SATL1: variants seen among roughly 807,000 people sequenced by gnomAD.
SATL1 encodes spermidine/spermine N1-acetyl transferase like 1.
A neutral mutation model predicts 51.8 loss-of-function variants in SATL1; 47 were observed. The ratio of observed to expected loss-of-function variants is 0.91; its 90% CI spans 0.72 to 1.16. The LOEUF (loss-of-function observed/expected upper bound fraction) is 1.16, where lower values mean the gene tolerates loss of function less well. SATL1 is among the 50% of genes most tolerant of loss of function. The pLI is 0.00. For missense variants in SATL1, 520 were observed against 526.4 expected (o/e 0.99, Z 0.12); for synonymous variants, 176 against 182.4 (o/e 0.97, Z 0.28).
In SATL1 at chrX:85,178,611, CAAA is replaced by C. The variant is rs60561678; in HGVS notation, c.-313+45591_-313+45593del. Among the ~76,000 whole-genome samples, 273 of 50,251 alleles carry C rather than the reference CAAA, an allele frequency of 5.4e-3. 2 individuals are homozygous for C. The highest frequency in any genetic ancestry group is 0.013 in the African/African-American group (260 of 20,028). 43.6% of individuals were successfully genotyped at this position (50,251 alleles called of 115,157 possible). On this transcript the variant is annotated intron_variant, in intron 2 of 7. Transcript: ENST00000644105. ...ACCACTTCAGCCCACACAAAATGCTCAAAAAAAAAAAAACAAAAACAAACAAAC... is the reference window on the plus strand; with the variant it reads ...ACCACTTCAGCCCACACAAAATGCTCAAAAAAAAAACAAAAACAAACAAAC...
chrX:85,158,968 T>C (rs908358755), intron 2 of SATL1, among the ~76,000 whole-genome samples: 15 of 111,880 alleles, frequency 1.3e-4, no homozygotes, highest in African/African-American at 4.9e-4. Flanking sequence ...TAATATCTAA[T>C]TATTTAAAGT....
At chrX:85,193,317 C>G (rs1369009081) in intron 2 of SATL1, among the ~76,000 whole-genome samples, 1 of 111,203 alleles carries the variant, frequency 9.0e-6, no homozygotes, top group East Asian at 2.8e-4. Context: ...CATGCCTAAC[C>G]CAGGAAATGT....
intron 1 of SATL1, among the ~76,000 whole-genome samples, chrX:85,233,127 T>G (rs1928417250): frequency 8.9e-6 from 1 of 111,775 alleles, no homozygotes; most frequent in Non-Finnish European, 1.9e-5. Flanking sequence ...TGGGAGAAAG[T>G]AAGGGAAGAG....
In SATL1 at chrX:85,109,004, G is replaced by A. The variant is rs1287276899; in HGVS notation, c.-36C>T. On this transcript the variant is annotated 5_prime_UTR_variant, in exon 3 of 8. Coordinates refer to ENST00000644105, the MANE Select transcript of SATL1 (RefSeq NM_001367857.2). Reference sequence around the variant, plus strand: ...TTCCTGCTTTGTTGACTAAGGATGGGGTGGCAGATGATGGGTTGGCAGACA... The same window carrying A: ...TTCCTGCTTTGTTGACTAAGGATGGAGTGGCAGATGATGGGTTGGCAGACA... 2 of 1,140,273 alleles carry A rather than the reference G, an allele frequency of 1.8e-6. No individual in the cohort carries two copies. Among genetic ancestry groups the A allele is most frequent in the Admixed American group, 5.0e-5 (2 of 40,004 alleles). 94.0% of individuals were successfully genotyped at this position (1,140,273 alleles called of 1,213,427 possible).
intron 2 of SATL1, among the ~76,000 whole-genome samples, chrX:85,184,941 G>T (rs767717860): frequency 8.9e-5 from 10 of 111,964 alleles, no homozygotes; most frequent in African/African-American, 3.2e-4. Context: ...AATATTCACA[G>T]TCTGGGCTTG....
rs1555959510 is a variant in SATL1, at chrX:85,166,933, A to ATATG, written c.-313+57268_-313+57271dup. Reference sequence around the variant, plus strand: ...AAATGGGGTATATATATATATATATATATGTGTATGTGTGTGTGTGTGTGT... The same window carrying ATATG: ...AAATGGGGTATATATATATATATATATATGTATGTGTATGTGTGTGTGTGTGTGT... On this transcript the variant is annotated intron_variant, in intron 2 of 7. Coordinates refer to ENST00000644105, the MANE Select transcript of SATL1 (RefSeq NM_001367857.2). Among the ~76,000 whole-genome samples the ATATG allele has an allele frequency of 3.4e-5, 3 of 87,925 alleles. 1 individual carries two copies. The highest frequency in any genetic ancestry group is 1.7e-4 in the African/African-American group (3 of 17,750). The allele number at this position is 87,925 out of a possible 115,157, so 76.4% of individuals were successfully genotyped here. A position where few individuals can be genotyped will look rare whatever the true frequency, so the allele number is the denominator to read the frequency against.
At position 85,108,129 on chromosome X, in the gene SATL1, A is replaced by C; in HGVS notation, c.840T>G (p.Ser280Arg). 1 of 1,210,343 alleles carries C rather than the reference A, an allele frequency of 8.3e-7. No individual in the cohort carries two copies. Among genetic ancestry groups the C allele is most frequent in the Non-Finnish European group, 1.1e-6 (1 of 895,174 alleles). ...CTTGGTTCATTTCATATAGGCTTGCACTCCATTGGTTCATGTCCATTTGGT... is the reference window on the plus strand; with the variant it reads ...CTTGGTTCATTTCATATAGGCTTGCCCTCCATTGGTTCATGTCCATTTGGT... Reference protein sequence around the residue: ...GMNQMDMNQWSASLYEMNQVD... With the variant: ...GMNQMDMNQWRASLYEMNQVD... Residue 280 changes from serine (S) to arginine (R), a missense_variant, in exon 3 of 8, where the codon AGT becomes AGG. Physicochemically the swap from Ser to Arg is moderately radical, Grantham distance 110. Around this residue, in one of 3 missense-constraint regions of SATL1, gnomAD observed 488 missense variants for 474.3 expected, o/e 1.03. Transcript: ENST00000644105.
At chrX:85,203,346 C>G (rs56213785) in intron 2 of SATL1, among the ~76,000 whole-genome samples, 2,077 of 111,372 alleles carry the variant, frequency 0.019, 45 homozygotes, top group African/African-American at 0.064. Flanking sequence ...GGTAGAGCAG[C>G]CATGCTGTGC....
intron 1 of SATL1, among the ~76,000 whole-genome samples, chrX:85,233,642 A>G (rs1223292212): frequency 8.9e-6 from 1 of 112,444 alleles, no homozygotes; most frequent in African/African-American, 3.2e-5. Flanking sequence ...AATGTGATGG[A>G]CATACAGAAG....
Position 85,160,319 on chromosome X carries a change from T to C in SATL1, c.-312-51039A>G, listed in dbSNP as rs1485487867. On this transcript the variant is annotated intron_variant, in intron 2 of 7. Transcript: ENST00000644105. Reference sequence around the variant, plus strand: ...AACCACACTAGCTCTCCAGCAAGGGTTCTGACCTGGGATGAGATGGCTGAA... The same window carrying C: ...AACCACACTAGCTCTCCAGCAAGGGCTCTGACCTGGGATGAGATGGCTGAA... 4.5e-5 allele frequency among the ~76,000 whole-genome samples: 5 copies of C among 110,666 alleles called. No homozygotes were observed. In the East Asian group the frequency reaches 1.4e-3, roughly 32 times the overall value.
At chrX:85,192,628 A>G (rs1262371970) in intron 2 of SATL1, among the ~76,000 whole-genome samples, 2 of 111,706 alleles carry the variant, frequency 1.8e-5, no homozygotes, top group East Asian at 5.6e-4. Context: ...GATGAAGTCA[A>G]GCAGTCATTT....
At chrX:85,145,960 G>A (rs777007215) in intron 2 of SATL1, among the ~76,000 whole-genome samples, 116 of 105,927 alleles carry the variant, frequency 1.1e-3, no homozygotes, top group East Asian at 6.3e-3. Flanking sequence ...GCAGTGGCAC[G>A]ATCTCGGCTC....
At chrX:85,215,605 C>G (rs1341362088) in intron 2 of SATL1, among the ~76,000 whole-genome samples, 1 of 112,279 alleles carries the variant, frequency 8.9e-6, no homozygotes, top group East Asian at 2.8e-4. Flanking sequence ...ACCAGATACC[C>G]TAGGTCATCA....
chrX:85,095,040 A>G (rs754649800), intron 4 of SATL1, 44 bp from the exon 5 acceptor site: 7 of 715,137 alleles, frequency 9.8e-6, no homozygotes, highest in Non-Finnish European at 1.5e-5. Flanking sequence ...AGTTTATAGC[A>G]GAGAGAAGGA....
At chrX:85,103,058 T>C (rs1054757545) in intron 4 of SATL1, among the ~76,000 whole-genome samples, 2 of 111,691 alleles carry the variant, frequency 1.8e-5, no homozygotes, top group Non-Finnish European at 3.8e-5. Context: ...GCCAACAAAA[T>C]TACTATTTAG....
chrX:85,223,469 A>T (rs2147762016), intron 2 of SATL1, among the ~76,000 whole-genome samples: 1 of 111,762 alleles, frequency 8.9e-6, no homozygotes, highest in African/African-American at 3.2e-5. Context: ...TCAAGTTTTC[A>T]GTTTCTGTCT....
intron 2 of SATL1, among the ~76,000 whole-genome samples, chrX:85,146,475 C>G (rs1025365828): frequency 2.7e-5 from 3 of 110,972 alleles, no homozygotes; most frequent in African/African-American, 9.8e-5. Context: ...TCCTATGTGC[C>G]CACAAAAATT....
chrX:85,168,678 G>A (rs1237620230), intron 2 of SATL1, among the ~76,000 whole-genome samples: 7 of 111,735 alleles, frequency 6.3e-5, no homozygotes, highest in Non-Finnish European at 1.3e-4. Context: ...AATAAATATT[G>A]TTAAAATGGC....
intron 1 of SATL1, among the ~76,000 whole-genome samples, chrX:85,228,507 T>G (rs1260826241): frequency 9.0e-6 from 1 of 111,623 alleles, no homozygotes; most frequent in African/African-American, 3.3e-5. Context: ...AGGAGTTTTC[T>G]TGATTTCTAG....
Sources: allele counts gnomAD v4.1 joint callset (sites outside exome capture counted in the v4.1 genomes callset), GRCh38; gene constraint gnomAD v4.1.1; regional missense constraint gnomAD v4.1.1; transcripts MANE v1.5; gene names NCBI Gene and HGNC (gene_info 2026-07-23, HGNC 2026-07-21).